TRIO: variants seen among roughly 807,000 people sequenced by gnomAD.
TRIO encodes trio Rho guanine nucleotide exchange factor.
Under a neutral mutation model 351.9 loss-of-function variants are expected in TRIO, and 58 were observed. The observed-to-expected ratio is 0.16, with a 90% confidence interval of 0.13 to 0.21. TRIO has a LOEUF of 0.21. Among genes scored for constraint, TRIO ranks in the 10% least tolerant of loss-of-function variants. TRIO has a pLI of 1.00. For synonymous variants in TRIO, 1,758 were observed against 1,595.7 expected (o/e 1.10, Z -2.42); for missense variants, 3,201 against 4,027.8 (o/e 0.79, Z 5.56).
At chr5:14,463,941 C>A (rs557267384) in intron 36 of TRIO, among the ~76,000 whole-genome samples, 15 of 152,186 alleles carry the variant, frequency 9.9e-5, no homozygotes, top group Non-Finnish European at 1.9e-4. Context: ...CTACTCCCTC[C>A]TCCCTTTTTA....
chr5:14,213,661 G>A (rs1792048063), intron 1 of TRIO, among the ~76,000 whole-genome samples: 1 of 152,224 alleles, frequency 6.6e-6, no homozygotes, highest in Admixed American at 6.5e-5. Flanking sequence ...GTCACATTAA[G>A]CACAGGAGAG....
At chr5:14,201,411 A>C (rs370936336) in intron 1 of TRIO, among the ~76,000 whole-genome samples, 2 of 152,370 alleles carry the variant, frequency 1.3e-5, no homozygotes, top group East Asian at 1.9e-4. Context: ...AAAAAATTAA[A>C]ACACACTTTT....
chr5:14,171,032 A>C (rs1789068935), intron 1 of TRIO, among the ~76,000 whole-genome samples: 1 of 152,222 alleles, frequency 6.6e-6, no homozygotes, highest in Admixed American at 6.5e-5. Context: ...CCAAATCTTA[A>C]ATTATATTCC....
intron 19 of TRIO, among the ~76,000 whole-genome samples, chr5:14,376,625 A>C (rs748225055): frequency 5.3e-5 from 8 of 152,214 alleles, no homozygotes; most frequent in Non-Finnish European, 1.2e-4. Flanking sequence ...GCATTTTTGA[A>C]GTTAATTTGA....
At chr5:14,456,209 C>G (rs1421517253) in intron 34 of TRIO, among the ~76,000 whole-genome samples, 2 of 152,254 alleles carry the variant, frequency 1.3e-5, no homozygotes, top group Admixed American at 6.5e-5. Context: ...CTTGCAGGCG[C>G]TAGCCTGCGA....
chr5:14,347,035 T>C lies in TRIO; in HGVS notation c.2046+10308T>C, dbSNP rs28415805. 6.6e-3 allele frequency among the ~76,000 whole-genome samples: 890 copies of C among 135,702 alleles called. 22 individuals carry two copies. The highest frequency in any genetic ancestry group is 0.023 in the African/African-American group (728 of 31,462). 89.0% of individuals were successfully genotyped at this position (135,702 alleles called of 152,430 possible). ...ATGATGCTGGACCAGTCATCTCAGG[T>C]GGACCTGAGGTCCTGCAGAACAGAG... On this transcript the variant is annotated intron_variant, in intron 11 of 56. Coordinates refer to ENST00000344204, the MANE Select transcript of TRIO (RefSeq NM_007118.4).
chr5:14,184,285 C>T (rs1789972151), intron 1 of TRIO, among the ~76,000 whole-genome samples: 1 of 152,200 alleles, frequency 6.6e-6, no homozygotes, highest in Admixed American at 6.5e-5. Context: ...GTTTGTGTAT[C>T]CGCTCAGCAA....
At chr5:14,398,072 C>T (rs1312966635) in intron 29 of TRIO, among the ~76,000 whole-genome samples, 1 of 152,098 alleles carries the variant, frequency 6.6e-6, no homozygotes. Context: ...TTGCCCAGAG[C>T]GTAGGTACCT....
intron 33 of TRIO, among the ~76,000 whole-genome samples, chr5:14,416,532 T>C (rs1209059046): frequency 6.6e-6 from 1 of 152,186 alleles, no homozygotes; most frequent in East Asian, 1.9e-4. Flanking sequence ...TGTTGTTGGA[T>C]TTTCTTAACA....
At chr5:14,343,442 T>A (rs1742127190) in intron 11 of TRIO, among the ~76,000 whole-genome samples, 1 of 152,248 alleles carries the variant, frequency 6.6e-6, no homozygotes, top group South Asian at 2.1e-4. Flanking sequence ...TGGCAACCAC[T>A]TATCTGTTCT....
chr5:14,420,163 G>T, intron 34 of TRIO, 142 bp downstream of exon 34: 1 of 1,282,026 alleles, frequency 7.8e-7, no homozygotes. Context: ...GACTGTCCGG[G>T]CATTTCCAGT....
At chr5:14,243,764 A>C (rs571231137) in intron 1 of TRIO, among the ~76,000 whole-genome samples, 1 of 152,126 alleles carries the variant, frequency 6.6e-6, no homozygotes, top group African/African-American at 2.4e-5. Context: ...AATTGTGTAC[A>C]TTTTTCATGA....
At chr5:14,462,997 C>A in intron 36 of TRIO, 72 bp downstream of exon 36, 1 of 1,462,714 alleles carries the variant, frequency 6.8e-7, no homozygotes, top group South Asian at 1.4e-5. Context: ...AGCTGCTTCA[C>A]ACCAGCCTCA....
At chr5:14,410,779 G>C (rs1749132562) in intron 33 of TRIO, among the ~76,000 whole-genome samples, 1 of 152,186 alleles carries the variant, frequency 6.6e-6, no homozygotes, top group Admixed American at 6.5e-5. Context: ...GTCTGAAGGA[G>C]GGACCCTGGA....
intron 1 of TRIO, among the ~76,000 whole-genome samples, chr5:14,218,072 A>C (rs1464189799): frequency 2.6e-5 from 4 of 151,866 alleles, no homozygotes; most frequent in Non-Finnish European, 5.9e-5. Context: ...TGTTGGGGGG[A>C]GAGTCTCGTT....
At chr5:14,259,789 G>T (rs1204590347) in intron 1 of TRIO, among the ~76,000 whole-genome samples, 1 of 148,974 alleles carries the variant, frequency 6.7e-6, no homozygotes, top group Admixed American at 6.7e-5. Context: ...CAGGTTTTTT[G>T]TTTTTTTTTT....
rs562324593 is a variant in TRIO, at chr5:14,283,220, G to A, written c.347+2784G>A. 5.3e-5 allele frequency among the ~76,000 whole-genome samples: 8 copies of A among 152,284 alleles called. No homozygotes were observed. The East Asian group carries it at 5.8e-4, about 11-fold the overall frequency. On this transcript the variant is annotated intron_variant, in intron 3 of 56. Transcript: ENST00000344204. ...TAGTAGAGTGGTATGAACACAAGGC[G>A]TTTCTACCCAGCTGTACATTTGTGT...
intron 48 of TRIO, chr5:14,490,675 G>A (rs1197367448): frequency 7.6e-6 from 3 of 396,728 alleles, no homozygotes; most frequent in Non-Finnish European, 1.5e-5. Flanking sequence ...TGGTGGGTTG[G>A]TGGTGAGAAT....
At chr5:14,304,021 T>C (rs755431671) in intron 7 of TRIO, among the ~76,000 whole-genome samples, 1 of 152,196 alleles carries the variant, frequency 6.6e-6, no homozygotes, top group Admixed American at 6.5e-5. Flanking sequence ...GGCTGACGTG[T>C]AGCTGCAAGG....
Sources: allele counts gnomAD v4.1 joint callset (sites outside exome capture counted in the v4.1 genomes callset), GRCh38; gene constraint gnomAD v4.1.1; transcripts MANE v1.5; gene names NCBI Gene and HGNC (gene_info 2026-07-23, HGNC 2026-07-21).